THSD7A: variants seen among roughly 807,000 people sequenced by gnomAD.
THSD7A encodes thrombospondin type-1 domain-containing protein 7A.
Under a neutral mutation model 231.3 loss-of-function variants are expected in THSD7A, and 96 were observed. That is an observed-to-expected ratio of 0.41 (90% confidence interval 0.35 to 0.49). The LOEUF is 0.49. Ranked by LOEUF, THSD7A falls within the 20% of genes least tolerant of loss-of-function variation. THSD7A has a pLI of 0.05. For missense variants in THSD7A, 2,290 were observed against 2,070.2 expected (o/e 1.11, Z -2.06); for synonymous variants, 940 against 743.3 (o/e 1.26, Z -4.30).
At chr7:11,611,828 ACACT>A (rs956380460) in intron 2 of THSD7A, among the ~76,000 whole-genome samples, 4 of 136,756 alleles carry the variant, frequency 2.9e-5, no homozygotes, top group Non-Finnish European at 4.8e-5. Flanking sequence ...ACACACACAC[ACACT>A]ATCATCTGTC....
At position 11,581,087 on chromosome 7, in the gene THSD7A, T is replaced by C. The variant is rs73676030; in HGVS notation, c.1453+9373A>G. Reference sequence around the variant, plus strand: ...CTTGGGAGAATGAACATAGAATGAGTTTAATATTAAATCCTTGCAAGTGTG... The same window carrying C: ...CTTGGGAGAATGAACATAGAATGAGCTTAATATTAAATCCTTGCAAGTGTG... On this transcript the variant is annotated intron_variant, in intron 4 of 27. Coordinates refer to ENST00000423059, the MANE Select transcript of THSD7A (RefSeq NM_015204.3). 2.8e-3 allele frequency among the ~76,000 whole-genome samples: 429 copies of C among 152,146 alleles called. 3 individuals are homozygous for C. Among genetic ancestry groups the C allele is most frequent in the African/African-American group, 9.8e-3 (406 of 41,518 alleles).
At position 11,632,474 on chromosome 7, in the gene THSD7A, A is replaced by G. The variant is rs1781688536; in HGVS notation, c.1022+3656T>C. ...CCTTATTGATTTTTTTATTGTTTAT[A>G]TTTTCAATTGATTAGCTGGAGTATT... On this transcript the variant is annotated intron_variant, in intron 2 of 27. Transcript: ENST00000423059. The surrounding 1 kb of genome is among the most constrained non-coding windows in gnomAD (Gnocchi z 4.1). 6.6e-6 allele frequency among the ~76,000 whole-genome samples: 1 copy of G among 152,058 alleles called. No individual in the cohort carries two copies. The highest frequency in any genetic ancestry group is 1.5e-5 in the Non-Finnish European group (1 of 67,994).
chr7:11,518,664 G>T (rs1049662878), intron 6 of THSD7A, among the ~76,000 whole-genome samples: 1 of 151,800 alleles, frequency 6.6e-6, no homozygotes, highest in African/African-American at 2.4e-5. Flanking sequence ...CCCTGAAATT[G>T]TATCACCCAA....
chr7:11,686,531 C>T (rs904074033), intron 1 of THSD7A, among the ~76,000 whole-genome samples: 1 of 151,794 alleles, frequency 6.6e-6, no homozygotes, highest in Non-Finnish European at 1.5e-5. Context: ...GACACGTGCA[C>T]TTGCATGTTA....
In THSD7A at chr7:11,832,065, G is replaced by T. The variant is rs546822462; in HGVS notation, c.-119C>A. 9.9e-5 allele frequency: 66 copies of T among 663,472 alleles called. No homozygotes were observed. The East Asian group carries it at 1.6e-3, about 16-fold the overall frequency. The allele number at this position is 663,472 out of a possible 1,614,324, so 41.1% of individuals were successfully genotyped here. ...GCAAAGCTCTTTCCTGCTATTGTTC[G>T]CTTCAGATGAGAAGGAGGGAGAGCG... On this transcript the variant is annotated 5_prime_UTR_variant, in exon 1 of 28. Coordinates refer to ENST00000423059, the MANE Select transcript of THSD7A (RefSeq NM_015204.3).
Position 11,485,976 on chromosome 7 carries a change from T to G in THSD7A, c.1823-3994A>C, listed in dbSNP as rs573178588. Reference sequence around the variant, plus strand: ...TAATCAACTCAGCTAATTGGAACCCTTAGGAGCTGTCTTCTTTTTAAGCTA... The same window carrying G: ...TAATCAACTCAGCTAATTGGAACCCGTAGGAGCTGTCTTCTTTTTAAGCTA... On this transcript the variant is annotated intron_variant, in intron 6 of 27. Coordinates refer to ENST00000423059, the MANE Select transcript of THSD7A (RefSeq NM_015204.3). 3.9e-5 allele frequency among the ~76,000 whole-genome samples: 6 copies of G among 152,310 alleles called. No homozygotes were observed. In the South Asian group the frequency reaches 1.2e-3, roughly 32 times the overall value.
intron 4 of THSD7A, among the ~76,000 whole-genome samples, chr7:11,558,350 A>G (rs1481426227): frequency 6.6e-6 from 1 of 152,144 alleles, no homozygotes; most frequent in Non-Finnish European, 1.5e-5. Context: ...TTTTAAAAAT[A>G]AAGCCTTTTA....
chr7:11,628,641 C>T lies in THSD7A; in HGVS notation c.1022+7489G>A, dbSNP rs192252757. Among the ~76,000 whole-genome samples, 736 of 151,932 alleles carry T rather than the reference C, an allele frequency of 4.8e-3. 18 individuals carry two copies. The highest frequency in any genetic ancestry group is 1.2e-3 in the Non-Finnish European group (80 of 67,954). ...TTATTTCTATAATAAAATGTAGATC[C>T]TTGAGATTATGATCTTTGTTTTGTC... On this transcript the variant is annotated intron_variant, in intron 2 of 27. Coordinates refer to ENST00000423059, the MANE Select transcript of THSD7A (RefSeq NM_015204.3).
At chr7:11,470,859 G>A (rs1785910345) in intron 8 of THSD7A, among the ~76,000 whole-genome samples, 1 of 151,812 alleles carries the variant, frequency 6.6e-6, no homozygotes, top group Non-Finnish European at 1.5e-5. Context: ...TAAGGATGAA[G>A]AACACTGAAA....
At chr7:11,521,218 T>TG (rs35117084) in intron 6 of THSD7A, among the ~76,000 whole-genome samples, 24,405 of 151,862 alleles carry the variant, frequency 0.16, 2,311 homozygotes, top group African/African-American at 0.26. Flanking sequence ...GTCCTTAACC[T>TG]AGTTGCTCCA....
intron 6 of THSD7A, among the ~76,000 whole-genome samples, chr7:11,514,103 C>G (rs547368992): frequency 6.6e-6 from 1 of 152,246 alleles, no homozygotes; most frequent in East Asian, 1.9e-4. Flanking sequence ...GTTATTCACT[C>G]CTTTTCTTCT....
At chr7:11,777,181 G>A (rs1783435363) in intron 1 of THSD7A, among the ~76,000 whole-genome samples, 1 of 152,142 alleles carries the variant, frequency 6.6e-6, no homozygotes, top group African/African-American at 2.4e-5. Context: ...TTTACAGGAT[G>A]TGAACTCATA....
At chr7:11,612,663 TA>T (rs746436823) in intron 2 of THSD7A, among the ~76,000 whole-genome samples, 1 of 152,226 alleles carries the variant, frequency 6.6e-6, no homozygotes, top group African/African-American at 2.4e-5. Context: ...ATTTTAACAG[TA>T]TTACCAGATC....
chr7:11,593,232 A>G (rs1280847882), intron 3 of THSD7A, 22 bp downstream of exon 3: 2 of 1,612,710 alleles, frequency 1.2e-6, no homozygotes. Context: ...GGCAGACGCT[A>G]TACCCTTCTT....
Position 11,447,432 on chromosome 7 carries a change from A to C in THSD7A, c.2606-8T>G. 6.5e-7 allele frequency: 1 copy of C among 1,537,978 alleles called. No homozygotes were observed. Among genetic ancestry groups the C allele is most frequent in the Non-Finnish European group, 8.7e-7 (1 of 1,145,968 alleles). On this transcript the variant is annotated splice_polypyrimidine_tract_variant and splice_region_variant and intron_variant, in intron 11 of 27. Transcript: ENST00000423059. ...GCTTGCGACAAGTAATGGCTAAAAG[A>C]AAAGCATAAAGCTGTTATAACAAAT...
Position 11,499,908 on chromosome 7 carries a change from C to T in THSD7A, c.1823-17926G>A, listed in dbSNP as rs938011898. Among the ~76,000 whole-genome samples the T allele has an allele frequency of 1.6e-4, 25 of 152,222 alleles. No homozygotes were observed. In the East Asian group the frequency reaches 3.9e-3, roughly 24 times the overall value. ...TGGAAAATATATTTCAGGATATTGT[C>T]AATGAAAATTTCCCCAACCTTGCTA... On this transcript the variant is annotated intron_variant, in intron 6 of 27. Transcript: ENST00000423059.
intron 1 of THSD7A, among the ~76,000 whole-genome samples, chr7:11,788,138 T>A (rs1583291799): frequency 6.6e-6 from 1 of 152,102 alleles, no homozygotes; most frequent in East Asian, 1.9e-4. Flanking sequence ...CTTTTGCATC[T>A]AATCCTTCCC....
chr7:11,394,170 C>CTGCAGAAAT (rs1483847901), intron 23 of THSD7A, among the ~76,000 whole-genome samples: 1 of 152,240 alleles, frequency 6.6e-6, no homozygotes, highest in African/African-American at 2.4e-5. Flanking sequence ...GTGGATCCCT[C>CTGCAGAAAT]TGCAGAAATC....
chr7:11,624,902 T>A (rs188177907), intron 2 of THSD7A, among the ~76,000 whole-genome samples: 2 of 152,152 alleles, frequency 1.3e-5, no homozygotes, highest in African/African-American at 4.8e-5. Flanking sequence ...ATTTTGTATT[T>A]AATTTTATTA....
Sources: gnomAD v4.1 joint callset for allele counts (sites outside exome capture counted in the v4.1 genomes callset) on GRCh38, gnomAD v4.1.1 for gene constraint, Gnocchi (gnomAD v3.1) non-coding constraint, MANE v1.5 for transcripts, NCBI Gene and HGNC (gene_info 2026-07-23, HGNC 2026-07-21) for gene names.